ABL1: variants seen among roughly 807,000 people sequenced by gnomAD.
The protein encoded by ABL1 is tyrosine-protein kinase ABL1.
A neutral mutation model predicts 94.7 loss-of-function variants in ABL1; 11 were observed. The observed-to-expected ratio is 0.12, with a 90% CI of 0.07 to 0.19. ABL1 has a LOEUF of 0.19. Among genes scored for constraint, ABL1 ranks in the 10% least tolerant of loss-of-function variants. The probability of loss-of-function intolerance (pLI) is 1.00; values close to 1 mark genes in which losing one functional copy is unlikely to be tolerated. For missense variants in ABL1, 1,082 were observed against 1,489.4 expected (o/e 0.73, Z 4.50); for synonymous variants, 656 against 622.4 (o/e 1.05, Z -0.80).
rs1830201238 is a variant in ABL1, at chr9:130,810,937, T to C, written c.137-43127T>C. ...CCAAAGAAAAAGATACATTATATACTTAAGATCAGGGTGACACCAGATTTC... is the reference window on the plus strand; with the variant it reads ...CCAAAGAAAAAGATACATTATATACCTAAGATCAGGGTGACACCAGATTTC... On this transcript the variant is annotated intron_variant, in intron 1 of 10. Coordinates refer to the ABL1 transcript ENST00000372348. 2.0e-5 allele frequency among the ~76,000 whole-genome samples: 3 copies of C among 152,112 alleles called. No individual in the cohort carries two copies. The South Asian group carries it at 6.2e-4, about 32-fold the overall frequency.
chr9:130,851,766 CTTTTTTTT>C (rs149948786), intron 1 of ABL1, among the ~76,000 whole-genome samples: 1 of 122,794 alleles, frequency 8.1e-6, no homozygotes, highest in African/African-American at 3.1e-5. Flanking sequence ...CTCTCTTTTT[CTTTTTTTT>C]TTTTTTTTTT....
chr9:130,812,854 AAT>A (rs1162077730), intron 1 of ABL1, among the ~76,000 whole-genome samples: 2 of 152,242 alleles, frequency 1.3e-5, no homozygotes, highest in Admixed American at 6.5e-5. Flanking sequence ...TAAACAGCAG[AAT>A]ACACGTTCTT....
intron 1 of ABL1, among the ~76,000 whole-genome samples, chr9:130,840,007 C>G: frequency 6.6e-6 from 1 of 152,300 alleles, no homozygotes; most frequent in South Asian, 2.1e-4. Context: ...GTAGTAATCC[C>G]TACCTCACTG....
At chr9:130,856,841 G>A (rs947218496) in intron 3 of ABL1, among the ~76,000 whole-genome samples, 2 of 152,228 alleles carry the variant, frequency 1.3e-5, no homozygotes, top group Non-Finnish European at 1.5e-5. Flanking sequence ...ACTGTGTACC[G>A]TGGATGGACT....
chr9:130,818,493 A>G (rs1177526963), intron 1 of ABL1, among the ~76,000 whole-genome samples: 2 of 152,186 alleles, frequency 1.3e-5, no homozygotes, highest in Non-Finnish European at 2.9e-5. Context: ...ATAAAATTTC[A>G]GTTTATCAGT....
At chr9:130,796,257 T>C (rs1829972344) in intron 1 of ABL1, among the ~76,000 whole-genome samples, 1 of 152,142 alleles carries the variant, frequency 6.6e-6, no homozygotes, top group Non-Finnish European at 1.5e-5. Context: ...CCACCATAGC[T>C]CATGCCTATA....
intron 1 of ABL1, among the ~76,000 whole-genome samples, chr9:130,805,186 C>T (rs1423482282): frequency 1.3e-5 from 2 of 152,212 alleles, no homozygotes; most frequent in African/African-American, 4.8e-5. Flanking sequence ...AAGTGATTCT[C>T]CTGCCTCAGC....
At position 130,875,596 on chromosome 9, in the gene ABL1, G is replaced by A. The variant is rs142296146; in HGVS notation, c.1270+544G>A. ...TTGAAGAAACCATCCTTAGAGTTTC[G>A]TACGTTCTGGGTTTTGCTCATTGTC... On this transcript the variant is annotated intron_variant, in intron 7 of 10. Coordinates refer to ENST00000318560, the MANE Select transcript of ABL1 (RefSeq NM_005157.6). Among the ~76,000 whole-genome samples the A allele has an allele frequency of 2.9e-3, 447 of 152,014 alleles. 2 individuals carry two copies. The highest frequency in any genetic ancestry group is 0.014 in the Middle Eastern group (4 of 294).
At chr9:130,746,325 G>C (rs984899198) in intron 1 of ABL1, among the ~76,000 whole-genome samples, 1 of 150,942 alleles carries the variant, frequency 6.6e-6, no homozygotes, top group Non-Finnish European at 1.5e-5. Context: ...CAGTAAAATT[G>C]ACTTTTTCAA....
intron 1 of ABL1, among the ~76,000 whole-genome samples, chr9:130,747,305 G>T (rs971734266): frequency 6.6e-6 from 1 of 152,136 alleles, no homozygotes; most frequent in Non-Finnish European, 1.5e-5. Context: ...TTAAGCCTGG[G>T]AGGTGGCGGT....
At chr9:130,821,451 C>T (rs1422614931) in intron 1 of ABL1, among the ~76,000 whole-genome samples, 1 of 152,086 alleles carries the variant, frequency 6.6e-6, no homozygotes, top group Admixed American at 6.5e-5. Context: ...TGTATTATAG[C>T]ACGTCTCAGT....
At chr9:130,756,780 G>C (rs1832046425) in intron 1 of ABL1, among the ~76,000 whole-genome samples, 1 of 152,212 alleles carries the variant, frequency 6.6e-6, no homozygotes, top group Admixed American at 6.5e-5. Flanking sequence ...AGGGATGCCT[G>C]ATCTGTATCC....
rs1203586656 is a variant in ABL1 at position 130,835,648 on chromosome 9, T to G, written c.79+123T>G. ...GCCCTCCCCGGGTCTTGTCTTTTTT[T>G]TCTTTCTTCCCTCTTCTCTTCTCTT... On this transcript the variant is annotated intron_variant, in intron 1 of 10. Transcript: ENST00000318560. The surrounding 1 kb of genome is among the most constrained non-coding windows in gnomAD (Gnocchi z 4.6). The G allele has an allele frequency of 4.6e-6, 3 of 653,900 alleles. No homozygotes were observed. Among genetic ancestry groups the G allele is most frequent in the Non-Finnish European group, 5.2e-6 (2 of 387,928 alleles). The allele number at this position is 653,900 out of a possible 1,614,324, so 40.5% of individuals were successfully genotyped here.
intron 4 of ABL1, among the ~76,000 whole-genome samples, chr9:130,868,415 T>C (rs1831192741): frequency 6.6e-6 from 1 of 152,054 alleles, no homozygotes; most frequent in Non-Finnish European, 1.5e-5. Context: ...GATCTATCTG[T>C]AGATAATGGC....
intron 1 of ABL1, among the ~76,000 whole-genome samples, chr9:130,748,364 A>C (rs1269375006): frequency 6.6e-6 from 1 of 152,132 alleles, no homozygotes; most frequent in Admixed American, 6.6e-5. Context: ...AAATTTGTTT[A>C]GTTGATGACA....
rs116926530 is a variant in ABL1, at chr9:130,802,539, A to G, written c.137-51525A>G. On this transcript the variant is annotated intron_variant, in intron 1 of 10. Transcript: ENST00000372348. ...AAAAGTTAATTTTTTTCAGTTCTAGAATTGCCATTTAATTATTTTTTGTTG... is the reference window on the plus strand; with the variant it reads ...AAAAGTTAATTTTTTTCAGTTCTAGGATTGCCATTTAATTATTTTTTGTTG... Among the ~76,000 whole-genome samples, 1,169 of 152,080 alleles carry G rather than the reference A, an allele frequency of 7.7e-3. 7 individuals are homozygous for G. The highest frequency in any genetic ancestry group is 0.02 in the Middle Eastern group (6 of 294).
rs1306944917 is a variant in ABL1 at position 130,814,292 on chromosome 9, A to AAAAG, written c.137-39756_137-39753dup. Among the ~76,000 whole-genome samples the AAAAG allele has an allele frequency of 1.3e-5, 2 of 152,194 alleles. No homozygotes were observed. The highest frequency in any genetic ancestry group is 6.5e-5 in the Admixed American group (1 of 15,284). ...CAGAACGAGACTCCGTCTCAAAAAA[A>AAAAG]AAAGAAAGAAAGAAAGAAAAAGAAA... On this transcript the variant is annotated intron_variant, in intron 1 of 10. Coordinates refer to the ABL1 transcript ENST00000372348. The surrounding 1 kb of genome is among the most constrained non-coding windows in gnomAD (Gnocchi z 4.4).
At chr9:130,871,283 T>A (rs973406727) in intron 4 of ABL1, among the ~76,000 whole-genome samples, 2 of 152,212 alleles carry the variant, frequency 1.3e-5, no homozygotes, top group African/African-American at 4.8e-5. Context: ...TAGGCCAAGG[T>A]CAAGGCTCTG....
chr9:130,854,839 G>C lies in ABL1; in HGVS notation c.292G>C (p.Glu98Gln). 1.2e-6 allele frequency: 2 copies of C among 1,614,190 alleles called. No homozygotes were observed. Among genetic ancestry groups the C allele is most frequent in the Non-Finnish European group, 1.7e-6 (2 of 1,180,038 alleles). Residue 98 changes from glutamate to glutamine, a missense_variant, in exon 3 of 11, where the codon GAA becomes CAA. Physicochemically the swap from Glu to Gln is conservative, Grantham distance 29. Around this residue, in one of 7 missense-constraint regions of ABL1, gnomAD observed 47 missense variants for 142.2 expected, o/e 0.33. Transcript: ENST00000318560. ...GGTCTTAGGCTATAATCACAATGGG[G>C]AATGGTGTGAAGCCCAAACCAAAAA... Reference protein sequence around the residue: ...LRVLGYNHNGEWCEAQTKNGQ... With the variant: ...LRVLGYNHNGQWCEAQTKNGQ...
Sources: allele counts gnomAD v4.1 joint callset (sites outside exome capture counted in the v4.1 genomes callset), GRCh38; gene constraint gnomAD v4.1.1; regional missense constraint gnomAD v4.1.1; non-coding constraint Gnocchi (gnomAD v3.1); transcripts MANE v1.5; gene names NCBI Gene and HGNC (gene_info 2026-07-23, HGNC 2026-07-21).